The following UBE2G1 variants were observed in gnomAD, a reference collection of about 807,000 sequenced individuals.
The protein encoded by UBE2G1 is ubiquitin conjugating enzyme E2 G1.
UBE2G1 carries 5 observed loss-of-function variants against 22.7 expected under a neutral mutation model. The observed-to-expected ratio is 0.22, with a 90% CI of 0.12 to 0.46. The LOEUF (loss-of-function observed/expected upper bound fraction) is 0.46. Ranked by LOEUF, UBE2G1 falls within the 20% of genes least tolerant of loss-of-function variation. The probability of loss-of-function intolerance (pLI) is 0.99; values close to 1 mark genes in which losing one functional copy is unlikely to be tolerated. For synonymous variants in UBE2G1, 74 were observed against 67.5 expected, an observed-to-expected ratio of 1.10 and a Z score of -0.47; for missense variants, 88 against 203.9, an observed-to-expected ratio of 0.43 and a Z score of 3.46.
At chr17:4,348,589 G>A (rs1969808650) in intron 1 of UBE2G1, among the ~76,000 whole-genome samples, 1 of 146,718 alleles carries the variant, frequency 6.8e-6, no homozygotes, top group Non-Finnish European at 1.5e-5. Context: ...ACAGGCCGGG[G>A]GCAATGGCTC....
intron 1 of UBE2G1, among the ~76,000 whole-genome samples, chr17:4,352,293 A>C (rs987652797): frequency 5.9e-5 from 9 of 152,140 alleles, no homozygotes; most frequent in Non-Finnish European, 1.3e-4. Context: ...GCAGTGATGC[A>C]CTCATGGCTC....
At chr17:4,319,327 AGGTG>A (rs1171087649) in intron 1 of UBE2G1, among the ~76,000 whole-genome samples, 3 of 152,216 alleles carry the variant, frequency 2.0e-5, no homozygotes. Flanking sequence ...AGTCCAGTAT[AGGTG>A]GGTGGGTGGA....
chr17:4,273,709 T>G (rs554377501), intron 5 of UBE2G1, among the ~76,000 whole-genome samples: 1 of 149,992 alleles, frequency 6.7e-6, no homozygotes, highest in South Asian at 2.2e-4. Context: ...TAATATGTGC[T>G]TTGAAAGGGG....
At chr17:4,287,782 TAAGG>T (rs1968984139) in intron 4 of UBE2G1, among the ~76,000 whole-genome samples, 1 of 151,974 alleles carries the variant, frequency 6.6e-6, no homozygotes, top group South Asian at 2.1e-4. Context: ...GAGAGAAGGC[TAAGG>T]AACTAGGAAC....
intron 1 of UBE2G1, among the ~76,000 whole-genome samples, chr17:4,316,017 G>A (rs1037560599): frequency 6.6e-6 from 1 of 151,688 alleles, no homozygotes; most frequent in Admixed American, 6.6e-5. Context: ...GGGTTTCACC[G>A]TGGTCTCGAT....
chr17:4,345,670 C>A (rs182676573), intron 1 of UBE2G1: 1 of 152,186 alleles, frequency 6.6e-6, no homozygotes, highest in East Asian at 1.9e-4. Flanking sequence ...ATATCTGGTA[C>A]TCCATTGCAT....
chr17:4,303,854 T>A (rs1293649348), intron 2 of UBE2G1, among the ~76,000 whole-genome samples: 3 of 152,350 alleles, frequency 2.0e-5, no homozygotes, highest in Non-Finnish European at 4.4e-5. Flanking sequence ...AGATTTTTCA[T>A]ATCATTGCCA....
At chr17:4,330,379 A>C (rs1598196695) in intron 1 of UBE2G1, among the ~76,000 whole-genome samples, 1 of 152,318 alleles carries the variant, frequency 6.6e-6, no homozygotes, top group South Asian at 2.1e-4. Flanking sequence ...AGGAATGGGA[A>C]ACATTACTCT....
rs1968729744 is a variant in UBE2G1, at chr17:4,269,734, T to C, written c.*2820A>G. 5.4e-6 allele frequency: 1 copy of C among 186,230 alleles called. No homozygotes were observed. The highest frequency in any genetic ancestry group is 2.4e-5 in the African/African-American group (1 of 41,578). The allele number at this position is 186,230 out of a possible 1,614,324, so 11.5% of individuals were successfully genotyped here. A position where few individuals can be genotyped will look rare whatever the true frequency, so the allele number is the denominator to read the frequency against. On this transcript the variant is annotated 3_prime_UTR_variant, in exon 6 of 6. Coordinates refer to ENST00000396981, the MANE Select transcript of UBE2G1 (RefSeq NM_003342.5). ...TCCCATACAAGCACAGACTGAAATC[T>C]ATATGCCTCTACGAGAACTTGGAAT...
chr17:4,344,944 C>T (rs1274569865), intron 1 of UBE2G1, among the ~76,000 whole-genome samples: 1 of 152,060 alleles, frequency 6.6e-6, no homozygotes, highest in Non-Finnish European at 1.5e-5. Flanking sequence ...AGAAATTTCC[C>T]ACAATTCAAA....
intron 1 of UBE2G1, among the ~76,000 whole-genome samples, chr17:4,357,287 T>A (rs377306708): frequency 1.6e-4 from 24 of 152,058 alleles, no homozygotes; most frequent in African/African-American, 5.6e-4. Context: ...GCAAGAGTAG[T>A]AATGCCGGCA....
At chr17:4,344,784 C>T (rs774290000) in intron 1 of UBE2G1, among the ~76,000 whole-genome samples, 1 of 151,986 alleles carries the variant, frequency 6.6e-6, no homozygotes, top group Non-Finnish European at 1.5e-5. Flanking sequence ...TCACTTGAGC[C>T]CAGGGGTTTG....
At chr17:4,339,295 C>G (rs889655397) in intron 1 of UBE2G1, among the ~76,000 whole-genome samples, 44 of 151,736 alleles carry the variant, frequency 2.9e-4, no homozygotes, top group African/African-American at 1.0e-3. Flanking sequence ...GGGTTCAGAC[C>G]CAAGCGCTTC....
At chr17:4,324,608 GGGTCTCACTATATT>G (rs1465464612) in intron 1 of UBE2G1, among the ~76,000 whole-genome samples, 1 of 151,918 alleles carries the variant, frequency 6.6e-6, no homozygotes, top group Non-Finnish European at 1.5e-5. Context: ...AGTGAGATAG[GGGTCTCACTATATT>G]GTCCAGGCTG....
intron 1 of UBE2G1, among the ~76,000 whole-genome samples, chr17:4,315,093 T>A (rs1969350543): frequency 6.6e-6 from 1 of 152,108 alleles, no homozygotes; most frequent in Non-Finnish European, 1.5e-5. Flanking sequence ...AGATACATAC[T>A]GAAATATTTA....
intron 1 of UBE2G1, among the ~76,000 whole-genome samples, chr17:4,348,793 A>G (rs973095090): frequency 6.6e-5 from 10 of 151,836 alleles, no homozygotes; most frequent in African/African-American, 2.2e-4. Context: ...CCTGGGAGGC[A>G]GAGGTTGCAG....
intron 1 of UBE2G1, among the ~76,000 whole-genome samples, chr17:4,318,144 T>C (rs1969398425): frequency 1.3e-5 from 2 of 152,146 alleles, no homozygotes; most frequent in South Asian, 2.1e-4. Flanking sequence ...GGAGAAGATA[T>C]TGTATATGCG....
At chr17:4,279,030 T>C (rs1023741535) in intron 5 of UBE2G1, among the ~76,000 whole-genome samples, 3 of 152,174 alleles carry the variant, frequency 2.0e-5, no homozygotes, top group African/African-American at 7.2e-5. Flanking sequence ...ATCCCAGCAC[T>C]GTGAGAGGCC....
intron 5 of UBE2G1, among the ~76,000 whole-genome samples, chr17:4,280,833 C>T (rs1968879751): frequency 6.6e-6 from 1 of 152,018 alleles, no homozygotes; most frequent in African/African-American, 2.4e-5. Context: ...TGGGGTTTCA[C>T]CATATTGGCC....
Sources: gnomAD v4.1 joint callset for allele counts (sites outside exome capture counted in the v4.1 genomes callset) on GRCh38, gnomAD v4.1.1 for gene constraint, MANE v1.5 for transcripts, NCBI Gene and HGNC (gene_info 2026-07-23, HGNC 2026-07-21) for gene names.